The following HSD17B7 variants were observed in gnomAD, a reference collection of about 807,000 sequenced individuals.
HSD17B7 encodes the protein hydroxysteroid 17-beta dehydrogenase 7, also known as 3-keto-steroid reductase/17-beta-hydroxysteroid dehydrogenase 7.
A neutral mutation model predicts 34.1 loss-of-function variants in HSD17B7; 17 were observed. The observed-to-expected ratio is 0.50, with a 90% confidence interval of 0.34 to 0.75. The LOEUF is 0.75. Ranked by LOEUF, HSD17B7 falls within the 30% of genes least tolerant of loss-of-function variation. HSD17B7 has a pLI of 0.01. For synonymous variants in HSD17B7, 122 were observed against 154.6 expected (o/e 0.79, Z 1.56); for missense variants, 296 against 406.6 (o/e 0.73, Z 2.34).
Position 162,805,424 on chromosome 1 carries a change from C to T in HSD17B7, c.835C>T (p.Leu279Phe). 1 of 1,613,220 alleles carries T rather than the reference C, an allele frequency of 6.2e-7. No homozygotes were observed. Among genetic ancestry groups the T allele is most frequent in the Non-Finnish European group, 8.5e-7 (1 of 1,179,392 alleles). Residue 279 changes from leucine to phenylalanine, a missense_variant, in exon 8 of 9, where the codon CTC (leucine) becomes TTC (phenylalanine). Transcript: ENST00000254521. ...VWLFHQKPES[L>F]NPLIKYLSAT... is the part of the protein sequence containing the mutation. Reference sequence around the variant, plus strand: ...GCTTTTCCACCAAAAGCCTGAATCTCTCAATCCTCTGATCAAATATCTGAG... The same window carrying T: ...GCTTTTCCACCAAAAGCCTGAATCTTTCAATCCTCTGATCAAATATCTGAG...
At chr1:162,812,170 C>T in intron 8 of HSD17B7, 128 bp from the exon 9 acceptor site, 1 of 1,215,704 alleles carries the variant, frequency 8.2e-7, no homozygotes, top group Non-Finnish European at 1.1e-6. Context: ...TTCCACGTGT[C>T]TGCCACCATG....
chr1:162,798,883 G>A, intron 4 of HSD17B7: 1 of 274,678 alleles, frequency 3.6e-6, no homozygotes. Flanking sequence ...AATCCCAGCT[G>A]CTTGGGAGGC....
chr1:162,795,677 G>T (rs760652619), intron 2 of HSD17B7: 81 of 446,334 alleles, frequency 1.8e-4, no homozygotes, highest in African/African-American at 1.4e-3. Flanking sequence ...TGTATTTCAG[G>T]GTCCTAAGTT....
At chr1:162,791,738 T>C (rs1286237876) in intron 1 of HSD17B7, among the ~76,000 whole-genome samples, 1 of 151,800 alleles carries the variant, frequency 6.6e-6, no homozygotes, top group African/African-American at 2.4e-5. Flanking sequence ...TCTGTTTCTT[T>C]TACATATATT....
chr1:162,804,637 C>A (rs1441462385), intron 7 of HSD17B7, among the ~76,000 whole-genome samples: 1 of 152,146 alleles, frequency 6.6e-6, no homozygotes, highest in African/African-American at 2.4e-5. Flanking sequence ...CAGAGCAGGA[C>A]GGTGACTGCA....
In HSD17B7 at chr1:162,811,292, C is replaced by A. The variant is rs1649162312; in HGVS notation, c.904-1006C>A. 2.0e-5 allele frequency among the ~76,000 whole-genome samples: 3 copies of A among 152,364 alleles called. No individual in the cohort carries two copies. The South Asian group carries it at 6.2e-4, about 32-fold the overall frequency. On this transcript the variant is annotated intron_variant, in intron 8 of 8. Coordinates refer to ENST00000254521, the MANE Select transcript of HSD17B7 (RefSeq NM_016371.4). ...AATATCGGCCCCCACTCTCTTCTGGCTTGTAGAGTTTCTGCCAAGAGATCC... is the reference window on the plus strand; with the variant it reads ...AATATCGGCCCCCACTCTCTTCTGGATTGTAGAGTTTCTGCCAAGAGATCC...
chr1:162,812,331 T>C lies in HSD17B7; in HGVS notation c.937T>C (p.Tyr313His). Residue 313 changes from tyrosine to histidine, a missense_variant, in exon 9 of 9, where the codon TAT becomes CAT. Transcript: ENST00000254521. ...AGATGAAGACACTGCTGAAAAATTT[T>C]ATCAAAAGTTACTGGAACTGGAAAA... ...DLDEDTAEKF[Y>H]QKLLELEKHI... 6.2e-7 allele frequency: 1 copy of C among 1,612,968 alleles called. No homozygotes were observed.
At chr1:162,806,466 T>C (rs1648984055) in intron 8 of HSD17B7, among the ~76,000 whole-genome samples, 1 of 152,226 alleles carries the variant, frequency 6.6e-6, no homozygotes, top group Non-Finnish European at 1.5e-5. Flanking sequence ...GCAGTTCCTC[T>C]AGCAAGTAAA....
intron 8 of HSD17B7, among the ~76,000 whole-genome samples, chr1:162,810,196 T>A (rs1649128788): frequency 6.6e-6 from 1 of 152,250 alleles, no homozygotes; most frequent in Non-Finnish European, 1.5e-5. Context: ...TCTGCCCTCA[T>A]TTCGTTATGT....
intron 8 of HSD17B7, among the ~76,000 whole-genome samples, chr1:162,805,913 T>C (rs1648967520): frequency 6.6e-6 from 1 of 152,214 alleles, no homozygotes; most frequent in Non-Finnish European, 1.5e-5. Flanking sequence ...TTACACATGG[T>C]AGACGCTCAG....
chr1:162,796,692 A>T lies in HSD17B7; in HGVS notation c.332+15A>T, dbSNP rs776776506. 2 of 1,412,888 alleles carry T rather than the reference A, an allele frequency of 1.4e-6. No individual in the cohort carries two copies. Among genetic ancestry groups the T allele is most frequent in the Non-Finnish European group, 2.0e-6 (2 of 995,488 alleles). The allele number at this position is 1,412,888 out of a possible 1,614,324, so 87.5% of individuals were successfully genotyped here. ...CTCTTTTCAAGGTAATTTTCGTTTT[A>T]TGGATGAACTGATTGGAAGGAATGT... On this transcript the variant is annotated intron_variant, in intron 3 of 8. Transcript: ENST00000254521.
At chr1:162,801,454 T>A (rs1266827003) in intron 5 of HSD17B7, among the ~76,000 whole-genome samples, 1 of 152,216 alleles carries the variant, frequency 6.6e-6, no homozygotes, top group Non-Finnish European at 1.5e-5. Context: ...GAGGGGGATC[T>A]GTATGAAGCA....
At position 162,812,367 on chromosome 1, in the gene HSD17B7, G is replaced by T; in HGVS notation, c.973G>T (p.Val325Phe). ...KLLELEKHIR[V>F]TIQKTDNQAR... ...ACTGGAACTGGAAAAGCACATTAGG[G>T]TCACTATTCAAAAAACAGATAATCA... The change falls in exon 9 of 9, where the codon GTC (valine) becomes TTC (phenylalanine). Residue 325 changes from valine to phenylalanine, a missense_variant. Val to Phe is a conservative substitution (Grantham distance 50, BLOSUM62 -1). Transcript: ENST00000254521. 1 of 1,610,960 alleles carries T rather than the reference G, an allele frequency of 6.2e-7. No homozygotes were observed. Among genetic ancestry groups the T allele is most frequent in the Non-Finnish European group, 8.5e-7 (1 of 1,178,380 alleles).
At chr1:162,809,245 G>A (rs1571010938) in intron 8 of HSD17B7, among the ~76,000 whole-genome samples, 1 of 152,224 alleles carries the variant, frequency 6.6e-6, no homozygotes, top group South Asian at 2.1e-4. Context: ...TTTTGTCTTT[G>A]GTTCTGTTTA....
intron 5 of HSD17B7, 187 bp downstream of exon 5, chr1:162,800,124 G>T: frequency 1.4e-6 from 1 of 712,802 alleles, no homozygotes; most frequent in Admixed American, 2.0e-5. Context: ...AGTTCATTCT[G>T]TGGTTCTTCA....
In HSD17B7 at chr1:162,805,400, C is replaced by T. The variant is rs1204210991; in HGVS notation, c.811C>T (p.Leu271Phe). Residue 271 changes from leucine to phenylalanine, a missense_variant, in exon 8 of 9, where the codon CTT (leucine) becomes TTT (phenylalanine). Physicochemically the swap from Leu to Phe is conservative, Grantham distance 22. Transcript: ENST00000254521. ...PYNGTEALVW[L>F]FHQKPESLNP... ...ACACATCCTTCCTTTCCAGGTATGG[C>T]TTTTCCACCAAAAGCCTGAATCTCT... 3 of 1,612,838 alleles carry T rather than the reference C, an allele frequency of 1.9e-6. No individual in the cohort carries two copies. Among genetic ancestry groups the T allele is most frequent in the Non-Finnish European group, 2.5e-6 (3 of 1,179,206 alleles).
chr1:162,803,890 A>G (rs1313409356), intron 6 of HSD17B7, among the ~76,000 whole-genome samples: 1 of 152,222 alleles, frequency 6.6e-6, no homozygotes, highest in East Asian at 1.9e-4. Flanking sequence ...GAAGGGGATA[A>G]TTGTGTACTA....
chr1:162,810,728 T>C (rs1649146378), intron 8 of HSD17B7, among the ~76,000 whole-genome samples: 1 of 152,184 alleles, frequency 6.6e-6, no homozygotes, highest in South Asian at 2.1e-4. Context: ...TCTTTGATCT[T>C]TGTTGGTTTA....
chr1:162,805,508 T>G lies in HSD17B7; in HGVS notation c.903+16T>G, dbSNP rs1648953204. On this transcript the variant is annotated intron_variant, in intron 8 of 8. Transcript: ENST00000254521. Reference sequence around the variant, plus strand: ...GACCCAGAAGGTAAATGTGCTTACATTGTTGCACTGATGTTTGCTGTTGGG... The same window carrying G: ...GACCCAGAAGGTAAATGTGCTTACAGTGTTGCACTGATGTTTGCTGTTGGG... The G allele has an allele frequency of 1.2e-6, 2 of 1,610,918 alleles. No homozygotes were observed. The highest frequency in any genetic ancestry group is 4.5e-5 in the East Asian group (2 of 44,816).
Sources: allele counts gnomAD v4.1 joint callset (sites outside exome capture counted in the v4.1 genomes callset), GRCh38; gene constraint gnomAD v4.1.1; transcripts MANE v1.5; gene names NCBI Gene and HGNC (gene_info 2026-07-23, HGNC 2026-07-21).